Variants in RAD51B observed in about 807,000 individuals in gnomAD.
RAD51B encodes DNA repair protein RAD51 homolog 2.
A neutral mutation model predicts 42.2 loss-of-function variants in RAD51B; 38 were observed. The ratio of observed to expected loss-of-function variants is 0.90; its 90% CI spans 0.70 to 1.18. The LOEUF (loss-of-function observed/expected upper bound fraction) is 1.18. Among genes scored for constraint, RAD51B ranks in the 50% most tolerant of loss-of-function variants. The pLI is 0.00. For missense variants in RAD51B, 373 were observed against 400.7 expected, an observed-to-expected ratio of 0.93 and a Z score of 0.59; for synonymous variants, 154 against 145.2, an observed-to-expected ratio of 1.06 and a Z score of -0.43.
At chr14:68,315,725 T>C (rs1343891966) in intron 8 of RAD51B, among the ~76,000 whole-genome samples, 1 of 152,168 alleles carries the variant, frequency 6.6e-6, no homozygotes, top group Non-Finnish European at 1.5e-5. Flanking sequence ...GGTTTCACCA[T>C]GTTAGCCAGG....
intron 10 of RAD51B, chr14:68,541,832 A>G: frequency 1.0e-6 from 1 of 984,382 alleles, no homozygotes; most frequent in Non-Finnish European, 1.2e-6. Context: ...TTTACAAGGC[A>G]GCCTGTGAGA....
chr14:68,539,163 C>T (rs1434775973), intron 10 of RAD51B, among the ~76,000 whole-genome samples: 1 of 152,216 alleles, frequency 6.6e-6, no homozygotes, highest in East Asian at 1.9e-4. Context: ...AGCAGTTGCT[C>T]TCCACAGGGA....
chr14:68,429,330 A>T (rs955950626), intron 9 of RAD51B, among the ~76,000 whole-genome samples: 39 of 152,182 alleles, frequency 2.6e-4, no homozygotes, highest in Non-Finnish European at 4.9e-4. Flanking sequence ...GAATCGCCAC[A>T]CTGACTTCCA....
chr14:68,164,141 T>C (rs2078702839), intron 7 of RAD51B, among the ~76,000 whole-genome samples: 1 of 152,228 alleles, frequency 6.6e-6, no homozygotes. Context: ...GTGACTTATT[T>C]AGAATTTCAC....
intron 7 of RAD51B, among the ~76,000 whole-genome samples, chr14:68,012,724 C>G (rs552716681): frequency 3.5e-4 from 54 of 152,180 alleles, no homozygotes; most frequent in Non-Finnish European, 6.9e-4. Context: ...AGCATTAAAT[C>G]ATAACTTTTT....
chr14:68,618,471 T>C (rs1891872000), intron 10 of RAD51B, among the ~76,000 whole-genome samples: 2 of 152,326 alleles, frequency 1.3e-5, no homozygotes, highest in South Asian at 4.1e-4. Context: ...TTCCTTCCTC[T>C]TGACCCTTTG....
intron 8 of RAD51B, among the ~76,000 whole-genome samples, chr14:68,297,065 C>G (rs911259): frequency 6.6e-6 from 1 of 152,134 alleles, no homozygotes; most frequent in Non-Finnish European, 1.5e-5. Context: ...TATTCCCTAC[C>G]AAACCATCCC....
At chr14:68,247,846 A>G (rs867713273) in intron 7 of RAD51B, among the ~76,000 whole-genome samples, 6 of 152,376 alleles carry the variant, frequency 3.9e-5, no homozygotes, top group African/African-American at 1.2e-4. Flanking sequence ...ATATACATAT[A>G]AATGGCAGAC....
At position 68,580,342 on chromosome 14, in the gene RAD51B, AG is replaced by A. The variant is rs766460099; in HGVS notation, c.1037-14140del. ...GAGCTTAGCACACAGCAGGTCTCCC[AG>A]GGTTGGAGGTCCATCCTACCTTTGA... On this transcript the variant is annotated intron_variant, in intron 10 of 10. Coordinates refer to the RAD51B transcript ENST00000487270. Among the ~76,000 whole-genome samples, 19 of 149,858 alleles carry A rather than the reference AG, an allele frequency of 1.3e-4. No individual in the cohort carries two copies. In the East Asian group the frequency reaches 3.5e-3, roughly 27 times the overall value.
chr14:68,022,452 A>G (rs1367700720), intron 7 of RAD51B, among the ~76,000 whole-genome samples: 2 of 152,114 alleles, frequency 1.3e-5, no homozygotes, highest in Non-Finnish European at 2.9e-5. Context: ...TATCCCCAGT[A>G]TTGGGATGGA....
chr14:67,902,487 A>G (rs934439750), intron 7 of RAD51B, among the ~76,000 whole-genome samples: 2 of 152,206 alleles, frequency 1.3e-5, no homozygotes, highest in Admixed American at 1.3e-4. Context: ...CAATTTGTTC[A>G]GCTAAAATAA....
At chr14:68,002,958 G>A (rs1392103978) in intron 7 of RAD51B, among the ~76,000 whole-genome samples, 1 of 152,152 alleles carries the variant, frequency 6.6e-6, no homozygotes, top group African/African-American at 2.4e-5. Flanking sequence ...AAGTCAGGTA[G>A]TGTGATGTCT....
At chr14:68,281,082 A>G (rs1392561497) in intron 7 of RAD51B, among the ~76,000 whole-genome samples, 1 of 152,066 alleles carries the variant, frequency 6.6e-6, no homozygotes, top group Non-Finnish European at 1.5e-5. Flanking sequence ...AAAAAATAGA[A>G]GAAAAAGAAG....
At chr14:68,361,619 T>C (rs1269791764) in intron 8 of RAD51B, among the ~76,000 whole-genome samples, 1 of 151,538 alleles carries the variant, frequency 6.6e-6, no homozygotes, top group Non-Finnish European at 1.5e-5. Context: ...AGTCTCCTGG[T>C]GCTTGTTTCA....
intron 9 of RAD51B, among the ~76,000 whole-genome samples, chr14:68,421,343 T>C (rs2084693936): frequency 6.6e-6 from 1 of 152,138 alleles, no homozygotes; most frequent in Non-Finnish European, 1.5e-5. Flanking sequence ...CTGTGGCCTC[T>C]GCTTATCTCC....
At chr14:68,403,372 G>T (rs1242379225) in intron 8 of RAD51B, among the ~76,000 whole-genome samples, 2 of 151,860 alleles carry the variant, frequency 1.3e-5, no homozygotes, top group African/African-American at 4.8e-5. Context: ...TTGCTGCAGG[G>T]CAAATGCTTT....
At chr14:67,994,155 T>G (rs1566563665) in intron 7 of RAD51B, among the ~76,000 whole-genome samples, 3 of 152,136 alleles carry the variant, frequency 2.0e-5, no homozygotes, top group Non-Finnish European at 4.4e-5. Flanking sequence ...GTTGTTAATT[T>G]CCATATTGCT....
At chr14:68,600,827 ATCT>A (rs764244836), downstream of RAD51B, among the ~76,000 whole-genome samples, 2 of 152,176 alleles carry the variant, frequency 1.3e-5, no homozygotes, top group South Asian at 4.1e-4. Flanking sequence ...TGGCCAAATC[ATCT>A]TCTTAGTGGG....
chr14:68,251,063 A>G (rs2141020255), intron 7 of RAD51B, among the ~76,000 whole-genome samples: 1 of 152,326 alleles, frequency 6.6e-6, no homozygotes, highest in Non-Finnish European at 1.5e-5. Flanking sequence ...GATGCTGGAC[A>G]AAACAACTTT....
Sources: gnomAD v4.1 joint callset for allele counts (sites outside exome capture counted in the v4.1 genomes callset) on GRCh38, gnomAD v4.1.1 for gene constraint, MANE v1.5 for transcripts, NCBI Gene and HGNC (gene_info 2026-07-23, HGNC 2026-07-21) for gene names.